CCDC7: variants seen among roughly 807,000 people sequenced by gnomAD.
CCDC7 encodes the protein coiled-coil domain containing 7, also known as coiled-coil domain-containing protein 7.
In CCDC7, 183 loss-of-function variants were observed where a neutral mutation model predicts 196.9. The observed-to-expected ratio is 0.93, with a 90% confidence interval of 0.82 to 1.05. The LOEUF is 1.05. CCDC7 is among the 50% of genes least tolerant of loss of function. The pLI is 0.00. For synonymous variants in CCDC7, 525 were observed against 484.6 expected (o/e 1.08, Z -1.10); for missense variants, 1,540 against 1,482.2 (o/e 1.04, Z -0.64).
At chr10:32,555,249 AT>A (rs35124238) in intron 13 of CCDC7, among the ~76,000 whole-genome samples, 19,592 of 142,772 alleles carry the variant, frequency 0.14, 1,434 homozygotes, top group African/African-American at 0.23. Context: ...TCTATTTTTA[AT>A]TTTTTTTTTT....
downstream of CCDC7, among the ~76,000 whole-genome samples, chr10:32,878,399 G>A (rs1295270353): frequency 6.6e-6 from 1 of 152,020 alleles, no homozygotes; most frequent in Non-Finnish European, 1.5e-5. Context: ...CATTAGACTG[G>A]TTCAACTAAA....
intron 20 of CCDC7, among the ~76,000 whole-genome samples, chr10:32,658,195 G>T (rs1474524713): frequency 6.6e-6 from 1 of 152,116 alleles, no homozygotes; most frequent in East Asian, 1.9e-4. Context: ...CTACATTTTT[G>T]GTTATCTTTA....
At chr10:32,655,924 A>T (rs2069742719) in intron 20 of CCDC7, among the ~76,000 whole-genome samples, 1 of 152,114 alleles carries the variant, frequency 6.6e-6, no homozygotes, top group Non-Finnish European at 1.5e-5. Context: ...TATTGAATTG[A>T]TTGCATTCCT....
chr10:32,520,608 A>T (rs185992608), intron 11 of CCDC7, among the ~76,000 whole-genome samples: 18 of 152,098 alleles, frequency 1.2e-4, no homozygotes, highest in Admixed American at 2.6e-4. Context: ...CTCCTTATAT[A>T]TTCTGATTGT....
intron 41 of CCDC7, among the ~76,000 whole-genome samples, chr10:32,857,851 T>C (rs560131584): frequency 6.6e-6 from 1 of 151,486 alleles, no homozygotes; most frequent in South Asian, 2.1e-4. Flanking sequence ...TTGCTTTTTT[T>C]GAAAAAAATA....
At chr10:32,610,518 C>G (rs1023296510) in intron 18 of CCDC7, among the ~76,000 whole-genome samples, 2 of 152,102 alleles carry the variant, frequency 1.3e-5, no homozygotes, top group African/African-American at 2.4e-5. Context: ...GCTTGCTGCA[C>G]CCATCAACGC....
intron 16 of CCDC7, among the ~76,000 whole-genome samples, chr10:32,574,047 C>A (rs2057900506): frequency 6.6e-6 from 1 of 151,936 alleles, no homozygotes; most frequent in Non-Finnish European, 1.5e-5. Context: ...GAATTACATA[C>A]CATTTAATTT....
At chr10:32,570,956 T>G (rs557068347) in intron 15 of CCDC7, among the ~76,000 whole-genome samples, 1 of 151,558 alleles carries the variant, frequency 6.6e-6, no homozygotes, top group Admixed American at 6.6e-5. Flanking sequence ...ATGTATTATA[T>G]TCACAAGAGG....
chr10:32,585,320 G>A (rs934052592), intron 18 of CCDC7, among the ~76,000 whole-genome samples: 9 of 152,090 alleles, frequency 5.9e-5, no homozygotes, highest in African/African-American at 9.7e-5. Flanking sequence ...TGATCCGCCC[G>A]CCTTGGCCTC....
chr10:32,655,160 G>A (rs2069557333), intron 20 of CCDC7, among the ~76,000 whole-genome samples: 1 of 152,090 alleles, frequency 6.6e-6, no homozygotes, highest in Admixed American at 6.5e-5. Context: ...GCCCTCTCTA[G>A]GGGTTGTTAG....
chr10:32,805,456 G>A (rs1298824358), intron 30 of CCDC7, among the ~76,000 whole-genome samples: 2 of 152,170 alleles, frequency 1.3e-5, no homozygotes. Context: ...TATCTGATGA[G>A]TGCAATAAGT....
rs139927416 is a variant in CCDC7 at position 32,581,235 on chromosome 10, A to G, written c.1455-1799A>G. On this transcript the variant is annotated intron_variant, in intron 16 of 41. Coordinates refer to ENST00000639629, the Ensembl canonical transcript of CCDC7. The stretch of plus-strand genomic sequence containing the variant: ...TATTTAGACATGGAGTGATTATTAG[A>G]GAGTCTTAATCTAAAGCAGACAGTG... 2.0e-5 allele frequency among the ~76,000 whole-genome samples: 3 copies of G among 152,304 alleles called. No homozygotes were observed. In the East Asian group the frequency reaches 5.8e-4, roughly 29 times the overall value.
intron 13 of CCDC7, among the ~76,000 whole-genome samples, chr10:32,561,041 C>CTTTGT: frequency 5.0e-5 from 1 of 20,056 alleles, no homozygotes; most frequent in East Asian, 0.071. Flanking sequence ...ATAAAACAGA[C>CTTTGT]TTTAAACCAC....
chr10:32,624,980 A>T (rs556129091), intron 18 of CCDC7, among the ~76,000 whole-genome samples: 38 of 124,386 alleles, frequency 3.1e-4, no homozygotes, highest in African/African-American at 9.2e-4. Context: ...TTTGCTTTGC[A>T]CAAGTTTTTT....
chr10:32,723,208 G>A (rs1183884048), intron 25 of CCDC7, among the ~76,000 whole-genome samples: 1 of 152,112 alleles, frequency 6.6e-6, no homozygotes, highest in Non-Finnish European at 1.5e-5. Context: ...TTGTGAAAGT[G>A]CTTGCCCAGA....
chr10:32,491,114 C>G (rs1317979881), intron 8 of CCDC7, among the ~76,000 whole-genome samples: 1 of 152,054 alleles, frequency 6.6e-6, no homozygotes, highest in African/African-American at 2.4e-5. Context: ...TTCTTTAAGG[C>G]TTAGCTTCTT....
intron 24 of CCDC7, among the ~76,000 whole-genome samples, chr10:32,705,602 C>G (rs769108113): frequency 2.6e-5 from 4 of 151,736 alleles, no homozygotes; most frequent in Non-Finnish European, 5.9e-5. Context: ...CACATAGGCT[C>G]AAAATAAAGG....
At position 32,705,629 on chromosome 10, in the gene CCDC7, C is replaced by T. The variant is rs1282437910; in HGVS notation, c.2459-5991C>T. Among the ~76,000 whole-genome samples the T allele has an allele frequency of 2.6e-5, 4 of 152,042 alleles. No homozygotes were observed. The East Asian group carries it at 7.7e-4, about 29-fold the overall frequency. On this transcript the variant is annotated intron_variant, in intron 24 of 41. Coordinates refer to ENST00000639629, the Ensembl canonical transcript of CCDC7. Reference sequence around the variant, plus strand: ...AAATAAAGGGATGGAGGAAGATCTACCAAGAAAATGGAAAACAAAAAAAGG... The same window carrying T: ...AAATAAAGGGATGGAGGAAGATCTATCAAGAAAATGGAAAACAAAAAAAGG...
intron 31 of CCDC7, among the ~76,000 whole-genome samples, chr10:32,820,854 A>G (rs1302849516): frequency 6.6e-6 from 1 of 152,244 alleles, no homozygotes; most frequent in Non-Finnish European, 1.5e-5. Context: ...ACCTAAAACC[A>G]TAAAAACCCT....
Sources: gnomAD v4.1 joint callset for allele counts (sites outside exome capture counted in the v4.1 genomes callset) on GRCh38, gnomAD v4.1.1 for gene constraint, MANE v1.5 for transcripts, NCBI Gene and HGNC (gene_info 2026-07-23, HGNC 2026-07-21) for gene names.